The following SLC6A3 variants were observed in gnomAD, a reference collection of about 807,000 sequenced individuals.
SLC6A3 encodes sodium-dependent dopamine transporter.
In SLC6A3, 19 loss-of-function variants were observed where a neutral mutation model predicts 70.4. The ratio of observed to expected loss-of-function variants is 0.27; its 90% confidence interval spans 0.19 to 0.40. The LOEUF is 0.40. SLC6A3 is among the 10% of genes least tolerant of loss of function. The pLI is 1.00. For synonymous variants in SLC6A3, 368 were observed against 356.6 expected, an observed-to-expected ratio of 1.03 and a Z score of -0.36; for missense variants, 613 against 838.5, an observed-to-expected ratio of 0.73 and a Z score of 3.32.
rs991068598 is a variant in SLC6A3, at chr5:1,408,389, G to A, written c.1498+637C>T. Among the ~76,000 whole-genome samples, 3 of 152,030 alleles carry A rather than the reference G, an allele frequency of 2.0e-5. No individual in the cohort carries two copies. Among genetic ancestry groups the A allele is most frequent in the African/African-American group, 7.2e-5 (3 of 41,390 alleles). On this transcript the variant is annotated intron_variant, in intron 11 of 14. Coordinates refer to ENST00000270349, the MANE Select transcript of SLC6A3 (RefSeq NM_001044.5). This position sits in a 1 kb window ranked among gnomAD's most constrained non-coding sequence, Gnocchi z 6.4. Reference sequence around the variant, plus strand: ...CTGGCTCGGCCTCGCCACTTCCCTGGAAGTGAGCTGGCCAGGTAAGCGGAG... The same window carrying A: ...CTGGCTCGGCCTCGCCACTTCCCTGAAAGTGAGCTGGCCAGGTAAGCGGAG...
rs531278343 is a variant in SLC6A3 at position 1,436,081 on chromosome 5, C to T, written c.419-3383G>A. Among the ~76,000 whole-genome samples, 293 of 151,836 alleles carry T rather than the reference C, an allele frequency of 1.9e-3. No homozygotes were observed. The highest frequency in any genetic ancestry group is 5.5e-3 in the Admixed American group (84 of 15,254). ...GTGGCCAGTCCCCTCCTGGATGCTT[C>T]CCTGGGCACCTGGGTGAGGAAATGG... On this transcript the variant is annotated intron_variant, in intron 3 of 14. Coordinates refer to ENST00000270349, the MANE Select transcript of SLC6A3 (RefSeq NM_001044.5). The surrounding 1 kb of genome is among the most constrained non-coding windows in gnomAD (Gnocchi z 5.2).
chr5:1,444,797 T>C (rs1362170439), intron 1 of SLC6A3, among the ~76,000 whole-genome samples: 2 of 152,130 alleles, frequency 1.3e-5, no homozygotes, highest in Non-Finnish European at 2.9e-5. Flanking sequence ...ATGTGGCCCG[T>C]TAGAAAGCGT....
At chr5:1,431,339 G>A (rs1265092890) in intron 4 of SLC6A3, among the ~76,000 whole-genome samples, 1 of 152,266 alleles carries the variant, frequency 6.6e-6, no homozygotes, top group Non-Finnish European at 1.5e-5. Context: ...TCGGGGTCCA[G>A]GAAAGCAGGT....
In SLC6A3 at chr5:1,396,385, C is replaced by G. The variant is rs1460341681; in HGVS notation, c.1840-1627G>C. The stretch of plus-strand genomic sequence containing the variant: ...ACCATGGACACCAGACCGTAAGGGT[C>G]AGTGGTCCCTGAGGGAAGCCAACAA... On this transcript the variant is annotated intron_variant, in intron 14 of 14. Coordinates refer to ENST00000270349, the MANE Select transcript of SLC6A3 (RefSeq NM_001044.5). The surrounding 1 kb of genome is among the most constrained non-coding windows in gnomAD (Gnocchi z 7.0). Among the ~76,000 whole-genome samples, 2 of 152,246 alleles carry G rather than the reference C, an allele frequency of 1.3e-5. No homozygotes were observed. Among genetic ancestry groups the G allele is most frequent in the Non-Finnish European group, 2.9e-5 (2 of 68,050 alleles).
In SLC6A3 at chr5:1,414,704, G is replaced by A. The variant is rs8179027; in HGVS notation, c.1143C>T (p.Asp381=). The change falls in exon 8 of 15, where the codon GAC becomes GAT. Residue 381 remains aspartate, a synonymous_variant. Transcript: ENST00000270349. ...MAQKHSVPIG[D]VAKDGPGLIF... ...GGAGGGGCTCACCGTCCTTGGCCACGTCCCCGATGGGCACACTGTGCTTCT... is the reference window on the plus strand; with the variant it reads ...GGAGGGGCTCACCGTCCTTGGCCACATCCCCGATGGGCACACTGTGCTTCT... 2.4e-4 allele frequency: 392 copies of A among 1,612,492 alleles called. No individual in the cohort carries two copies. Among genetic ancestry groups the A allele is most frequent in the South Asian group, 8.7e-4 (79 of 91,080 alleles).
At position 1,402,992 on chromosome 5, in the gene SLC6A3, G is replaced by A. The variant is rs1372728460; in HGVS notation, c.1697C>T (p.Thr566Ile). ...WANALGWVIA[T>I]SSMAMVPIYA... is the part of the protein sequence containing the mutation. Reference sequence around the variant, plus strand: ...GATGGGCACCATGGCCATGGAGGATGTGGCGATGACCCAGCCCAGCGCGTT... The same window carrying A: ...GATGGGCACCATGGCCATGGAGGATATGGCGATGACCCAGCCCAGCGCGTT... Residue 566 changes from threonine to isoleucine, a missense_variant, in exon 13 of 15, where the codon ACA becomes ATA. Physicochemically the swap from Thr to Ile is moderately conservative, Grantham distance 89. Around this residue, in one of 4 missense-constraint regions of SLC6A3, gnomAD observed 348 missense variants for 481.2 expected, o/e 0.72. Transcript: ENST00000270349. This position sits in a 1 kb window ranked among gnomAD's most constrained non-coding sequence, Gnocchi z 8.5. 2 of 1,614,126 alleles carry A rather than the reference G, an allele frequency of 1.2e-6. No individual in the cohort carries two copies. The highest frequency in any genetic ancestry group is 1.1e-5 in the South Asian group (1 of 91,086).
At position 1,396,630 on chromosome 5, in the gene SLC6A3, G is replaced by A. The variant is rs781217765; in HGVS notation, c.1840-1872C>T. Among the ~76,000 whole-genome samples the A allele has an allele frequency of 5.9e-5, 9 of 152,192 alleles. No homozygotes were observed. The highest frequency in any genetic ancestry group is 1.2e-4 in the Non-Finnish European group (8 of 68,040). ...CAGGACCCCTGCTGAGGGTTCAGAC[G>A]AGCACATCCCGCTGTGAATGAGGAG... On this transcript the variant is annotated intron_variant, in intron 14 of 14. Coordinates refer to ENST00000270349, the MANE Select transcript of SLC6A3 (RefSeq NM_001044.5). This position sits in a 1 kb window ranked among gnomAD's most constrained non-coding sequence, Gnocchi z 7.0.
chr5:1,435,985 C>T (rs1460422673), intron 3 of SLC6A3, among the ~76,000 whole-genome samples: 2 of 145,638 alleles, frequency 1.4e-5, no homozygotes, highest in South Asian at 2.3e-4. Context: ...CTCCCTTGAA[C>T]AGTGGTGGCC....
At chr5:1,432,224 C>T (rs1756721002) in intron 4 of SLC6A3, among the ~76,000 whole-genome samples, 1 of 152,182 alleles carries the variant, frequency 6.6e-6, no homozygotes, top group South Asian at 2.1e-4. Context: ...GCCAAGGGAG[C>T]TGCTCAGTGC....
In SLC6A3 at chr5:1,423,488, G is replaced by A. The variant is rs546869389; in HGVS notation, c.654-1474C>T. ...ACTGTTTTCTGAGGGGATGGCTCAC[G>A]ACACCTGCTCACAGCCCCTGCTGCT... On this transcript the variant is annotated intron_variant, in intron 4 of 14. Coordinates refer to ENST00000270349, the MANE Select transcript of SLC6A3 (RefSeq NM_001044.5). Among the ~76,000 whole-genome samples the A allele has an allele frequency of 9.5e-4, 144 of 152,348 alleles. 1 individual carries two copies. Among genetic ancestry groups the A allele is most frequent in the Middle Eastern group, 6.8e-3 (2 of 294 alleles).
Position 1,406,110 on chromosome 5 carries a change from G to A in SLC6A3, c.1599+78C>T. The stretch of plus-strand genomic sequence containing the variant: ...AGCCACAGTGACAACCCACATGCGG[G>A]CGCTGGACCTCGGGGCAGGTGCCAG... On this transcript the variant is annotated intron_variant, in intron 12 of 14. Transcript: ENST00000270349. The surrounding 1 kb of genome is among the most constrained non-coding windows in gnomAD (Gnocchi z 8.8). 9.8e-7 allele frequency: 1 copy of A among 1,023,106 alleles called. No individual in the cohort carries two copies. Among genetic ancestry groups the A allele is most frequent in the South Asian group, 1.3e-5 (1 of 79,278 alleles). The allele number at this position is 1,023,106 out of a possible 1,614,324, so 63.4% of individuals were successfully genotyped here.
chr5:1,419,725 C>T (rs549937678), intron 6 of SLC6A3, among the ~76,000 whole-genome samples: 68 of 152,294 alleles, frequency 4.5e-4, no homozygotes, highest in African/African-American at 1.6e-3. Context: ...GGGCCACACG[C>T]CTGCTGCACC....
rs1346952399 is a variant in SLC6A3, at chr5:1,406,524, C to T, written c.1499-236G>A. 1.3e-5 allele frequency among the ~76,000 whole-genome samples: 2 copies of T among 152,162 alleles called. No individual in the cohort carries two copies. The highest frequency in any genetic ancestry group is 2.9e-5 in the Non-Finnish European group (2 of 68,032). ...GGAGATGCACCAGGAAGAGCCGTGC[C>T]CCGGTGGGTGCTCCCCGCGCCCCGG... On this transcript the variant is annotated intron_variant, in intron 11 of 14. Transcript: ENST00000270349. This position sits in a 1 kb window ranked among gnomAD's most constrained non-coding sequence, Gnocchi z 8.8.
intron 4 of SLC6A3, among the ~76,000 whole-genome samples, chr5:1,424,119 G>GAGGCCCCAGGTTGGCAC (rs1238696399): frequency 6.6e-6 from 1 of 152,236 alleles, no homozygotes; most frequent in African/African-American, 2.4e-5. Context: ...CGCCCAGGCA[G>GAGGCCCCAGGTTGGCAC]AGGCCCCAGG....
In SLC6A3 at chr5:1,396,448, A is replaced by G. The variant is rs1381769932; in HGVS notation, c.1840-1690T>C. 1.3e-5 allele frequency among the ~76,000 whole-genome samples: 2 copies of G among 152,176 alleles called. No individual in the cohort carries two copies. Among genetic ancestry groups the G allele is most frequent in the Non-Finnish European group, 2.9e-5 (2 of 68,026 alleles). The stretch of plus-strand genomic sequence containing the variant: ...GCCACCCTGCTCGCTGCCTCGAGGG[A>G]GTTTCTAGATTGCAGCACAGGGAGG... On this transcript the variant is annotated intron_variant, in intron 14 of 14. Transcript: ENST00000270349. This position sits in a 1 kb window ranked among gnomAD's most constrained non-coding sequence, Gnocchi z 7.0.
intron 1 of SLC6A3, among the ~76,000 whole-genome samples, chr5:1,444,162 C>T (rs1392258647): frequency 2.0e-5 from 3 of 152,150 alleles, no homozygotes; most frequent in Non-Finnish European, 2.9e-5. Flanking sequence ...GAGAGCTGGG[C>T]GGAGGATGGA....
chr5:1,423,169 C>T lies in SLC6A3; in HGVS notation c.654-1155G>A, dbSNP rs551263400. ...CCACCGCTGCCCACAGTGCTGCCCA[C>T]GCTGCTGGGTACCCACTGCTGCCCA... On this transcript the variant is annotated intron_variant, in intron 4 of 14. Coordinates refer to ENST00000270349, the MANE Select transcript of SLC6A3 (RefSeq NM_001044.5). 1.6e-3 allele frequency among the ~76,000 whole-genome samples: 140 copies of T among 87,984 alleles called. 5 individuals are homozygous for T. In the Middle Eastern group the frequency reaches 0.025, roughly 16 times the overall value. 57.7% of individuals were successfully genotyped at this position (87,984 alleles called of 152,430 possible). A position where few individuals can be genotyped will look rare whatever the true frequency, so the allele number is the denominator to read the frequency against.
At chr5:1,412,374 T>C (rs61162645) in intron 8 of SLC6A3, among the ~76,000 whole-genome samples, 4,133 of 152,282 alleles carry the variant, frequency 0.027, 196 homozygotes, top group African/African-American at 0.095. Context: ...GGGGCCCAGA[T>C]GGTGGCTTCG....
chr5:1,409,642 ACAGT>A, intron 10 of SLC6A3, 75 bp downstream of exon 10: 1 of 1,546,668 alleles, frequency 6.5e-7, no homozygotes, highest in Non-Finnish European at 8.9e-7. Flanking sequence ...GTCTGGCCTG[ACAGT>A]CCCAGCCAGG....
Sources: allele counts gnomAD v4.1 joint callset (sites outside exome capture counted in the v4.1 genomes callset), GRCh38; gene constraint gnomAD v4.1.1; regional missense constraint gnomAD v4.1.1; non-coding constraint Gnocchi (gnomAD v3.1); transcripts MANE v1.5; gene names NCBI Gene and HGNC (gene_info 2026-07-23, HGNC 2026-07-21).